TRERF1: variants seen among roughly 807,000 people sequenced by gnomAD.
TRERF1 encodes transcriptional-regulating factor 1.
In TRERF1, 27 loss-of-function variants were observed where a neutral mutation model predicts 122.9. That is an observed-to-expected ratio of 0.22 (90% CI 0.16 to 0.30). The LOEUF is 0.30. Ranked by LOEUF, TRERF1 falls within the 10% of genes least tolerant of loss-of-function variation. The probability of loss-of-function intolerance (pLI) is 1.00; values close to 1 mark genes in which losing one functional copy is unlikely to be tolerated. For synonymous variants in TRERF1, 636 were observed against 641.7 expected (o/e 0.99, Z 0.13); for missense variants, 1,248 against 1,560.3 (o/e 0.80, Z 3.37).
intron 2 of TRERF1, among the ~76,000 whole-genome samples, chr6:42,436,172 T>C (rs1399933260): frequency 6.6e-6 from 1 of 151,808 alleles, no homozygotes; most frequent in African/African-American, 2.4e-5. Flanking sequence ...TTCGAGACCA[T>C]CCTGGCTAAC....
intron 3 of TRERF1, among the ~76,000 whole-genome samples, chr6:42,329,680 A>G (rs1272391352): frequency 6.6e-6 from 1 of 152,084 alleles, no homozygotes; most frequent in Non-Finnish European, 1.5e-5. Context: ...AAAGACCGAG[A>G]CATTTTACCG....
intron 3 of TRERF1, among the ~76,000 whole-genome samples, chr6:42,322,421 C>T (rs1228302931): frequency 6.6e-6 from 1 of 151,894 alleles, no homozygotes; most frequent in Non-Finnish European, 1.5e-5. Context: ...AGGGAAGGGG[C>T]CAGGAGACTA....
At chr6:42,328,563 A>G (rs1764715237) in intron 3 of TRERF1, among the ~76,000 whole-genome samples, 1 of 151,904 alleles carries the variant, frequency 6.6e-6, no homozygotes, top group African/African-American at 2.4e-5. Flanking sequence ...AGTTCTCATC[A>G]CTTAGCTCTC....
chr6:42,396,857 C>T (rs535066870), intron 2 of TRERF1, among the ~76,000 whole-genome samples: 12 of 152,298 alleles, frequency 7.9e-5, no homozygotes, highest in African/African-American at 2.9e-4. Context: ...GTAAGAACGA[C>T]AAGACAGGCA....
chr6:42,354,859 A>G (rs1202496822), intron 3 of TRERF1, among the ~76,000 whole-genome samples: 1 of 152,142 alleles, frequency 6.6e-6, no homozygotes, highest in Non-Finnish European at 1.5e-5. Context: ...GTTCTCATCT[A>G]TTTATTTTTC....
At chr6:42,407,562 G>A (rs560394702) in intron 2 of TRERF1, among the ~76,000 whole-genome samples, 119 of 152,170 alleles carry the variant, frequency 7.8e-4, no homozygotes, top group African/African-American at 2.7e-3. Context: ...CTCCTCTCAG[G>A]GTGGAGACTG....
exon 18 of TRERF1, chr6:42,226,634 A>G (rs566781716): frequency 2.6e-5 from 4 of 152,286 alleles, no homozygotes; most frequent in African/African-American, 7.2e-5. Flanking sequence ...TTTTCTGTCC[A>G]TGGCTTTCCT....
At position 42,232,709 on chromosome 6, in the gene TRERF1, T is replaced by G; in HGVS notation, c.3250A>C (p.Thr1084Pro). 1 of 1,605,104 alleles carries G rather than the reference T, an allele frequency of 6.2e-7. No homozygotes were observed. The highest frequency in any genetic ancestry group is 1.3e-5 in the African/African-American group (1 of 74,898). Residue 1084 changes from threonine (T) to proline (P), a missense_variant, in exon 17 of 18, where the codon ACC becomes CCC. Thr to Pro is a conservative substitution (Grantham distance 38). Transcript: ENST00000372922. The surrounding 1 kb of genome is among the most constrained non-coding windows in gnomAD (Gnocchi z 4.5). ...CCACACTCCTTGCAGGGGAAGATGGTGGTGGGGTCTGTCTCGCCGCTGGTG... is the reference window on the plus strand; with the variant it reads ...CCACACTCCTTGCAGGGGAAGATGGGGGTGGGGTCTGTCTCGCCGCTGGTG...
chr6:42,443,908 G>A (rs1434021452), intron 2 of TRERF1, among the ~76,000 whole-genome samples: 2 of 152,138 alleles, frequency 1.3e-5, no homozygotes, highest in African/African-American at 4.8e-5. Flanking sequence ...GCCTCTTACC[G>A]TTGACATCGC....
At chr6:42,440,402 C>G (rs1490065095) in intron 2 of TRERF1, among the ~76,000 whole-genome samples, 1 of 152,156 alleles carries the variant, frequency 6.6e-6, no homozygotes, top group Non-Finnish European at 1.5e-5. Flanking sequence ...TGCTGAAACC[C>G]CCCGAGCCTC....
Position 42,269,530 on chromosome 6 carries a change from A to G in TRERF1, c.61T>C (p.Tyr21His). Residue 21 changes from tyrosine (Y) to histidine (H), a missense_variant, in exon 5 of 18, where the codon TAC (tyrosine) becomes CAC (histidine). This residue lies in a region of TRERF1 where 946 missense variants were observed against 1,073.0 expected (regional missense o/e 0.88). Coordinates refer to ENST00000372922, the Ensembl canonical transcript of TRERF1. The surrounding 1 kb of genome is among the most constrained non-coding windows in gnomAD (Gnocchi z 4.9). ...TGGACGCCAAGTGGTGGCTGTTGGTAGAAAAGGTTCTCACTACCATGGGCC... is the reference window on the plus strand; with the variant it reads ...TGGACGCCAAGTGGTGGCTGTTGGTGGAAAAGGTTCTCACTACCATGGGCC... 6.2e-7 allele frequency: 1 copy of G among 1,614,208 alleles called. No homozygotes were observed. Among genetic ancestry groups the G allele is most frequent in the Non-Finnish European group, 8.5e-7 (1 of 1,180,034 alleles).
intron 2 of TRERF1, among the ~76,000 whole-genome samples, chr6:42,402,051 A>G (rs1779464610): frequency 6.6e-6 from 1 of 152,246 alleles, no homozygotes; most frequent in African/African-American, 2.4e-5. Flanking sequence ...CTAGTCTAGA[A>G]GCAAGTAAAC....
chr6:42,243,831 C>T (rs548725716), intron 14 of TRERF1, among the ~76,000 whole-genome samples: 85 of 151,366 alleles, frequency 5.6e-4, no homozygotes, highest in African/African-American at 1.9e-3. Context: ...CCGCCCACCT[C>T]GGCCTCCCAA....
At position 42,415,133 on chromosome 6, in the gene TRERF1, T is replaced by C. The variant is rs553243811; in HGVS notation, c.-454+36044A>G. Among the ~76,000 whole-genome samples, 3 of 152,338 alleles carry C rather than the reference T, an allele frequency of 2.0e-5. No homozygotes were observed. In the East Asian group the frequency reaches 5.8e-4, roughly 29 times the overall value. On this transcript the variant is annotated intron_variant, in intron 2 of 17. Coordinates refer to ENST00000372922, the Ensembl canonical transcript of TRERF1. ...GCCTTCTTATTGCAGCTCTGATTTG[T>C]ACTTTTTATTATAAGAGGGTTGTGG...
At chr6:42,324,802 G>T (rs1764006703) in intron 3 of TRERF1, among the ~76,000 whole-genome samples, 1 of 152,126 alleles carries the variant, frequency 6.6e-6, no homozygotes, top group African/African-American at 2.4e-5. Flanking sequence ...AAAAATCCTA[G>T]AAGAAAACCT....
intron 2 of TRERF1, among the ~76,000 whole-genome samples, chr6:42,412,658 C>T (rs1781281445): frequency 1.3e-5 from 2 of 152,194 alleles, no homozygotes; most frequent in Non-Finnish European, 2.9e-5. Flanking sequence ...GGCATGACGG[C>T]TCATGCCTGT....
chr6:42,288,574 CAAAAA>C (rs3074797), intron 4 of TRERF1, among the ~76,000 whole-genome samples: 3 of 86,540 alleles, frequency 3.5e-5, no homozygotes, highest in African/African-American at 9.8e-5. Context: ...ATCTCAAAAC[CAAAAA>C]AAAAAAAAAA....
chr6:42,245,965 G>A (rs1184471719), intron 14 of TRERF1, among the ~76,000 whole-genome samples: 7 of 152,134 alleles, frequency 4.6e-5, no homozygotes, highest in African/African-American at 1.2e-4. Context: ...AAAATTAGCC[G>A]GGCGTGGTGG....
intron 15 of TRERF1, among the ~76,000 whole-genome samples, chr6:42,242,513 A>C (rs1024852455): frequency 6.6e-6 from 1 of 152,234 alleles, no homozygotes; most frequent in African/African-American, 2.4e-5. Context: ...AATGTTTTCC[A>C]CAGAGTGTGA....
Sources: gnomAD v4.1 joint callset for allele counts (sites outside exome capture counted in the v4.1 genomes callset) on GRCh38, gnomAD v4.1.1 for gene constraint, gnomAD v4.1.1 regional missense constraint, Gnocchi (gnomAD v3.1) non-coding constraint, MANE v1.5 for transcripts, NCBI Gene and HGNC (gene_info 2026-07-23, HGNC 2026-07-21) for gene names.